IARS1: variants seen among roughly 807,000 people sequenced by gnomAD.
The protein encoded by IARS1 is isoleucyl-tRNA synthetase 1, also known as isoleucine--tRNA ligase, cytoplasmic.
IARS1 carries 124 observed loss-of-function variants against 168.2 expected under a neutral mutation model. That is an observed-to-expected ratio of 0.74 (90% CI 0.64 to 0.86). The LOEUF is 0.86. IARS1 is among the 40% of genes least tolerant of loss of function. The pLI, the probability that IARS1 is intolerant of heterozygous loss-of-function variation, is 0.00. For synonymous variants in IARS1, 532 were observed against 529.4 expected, an observed-to-expected ratio of 1.00 and a Z score of -0.07; for missense variants, 1,452 against 1,515.8, an observed-to-expected ratio of 0.96 and a Z score of 0.70.
intron 17 of IARS1, among the ~76,000 whole-genome samples, chr9:92,262,503 T>C (rs1831667753): frequency 6.6e-6 from 1 of 152,068 alleles, no homozygotes; most frequent in African/African-American, 2.4e-5. Context: ...ATAATGCCCA[T>C]TGGGAGGAAG....
Position 92,256,730 on chromosome 9 carries a change from A to C in IARS1, c.2087T>G (p.Ile696Ser). 1 of 1,614,024 alleles carries C rather than the reference A, an allele frequency of 6.2e-7. No homozygotes were observed. The highest frequency in any genetic ancestry group is 8.5e-7 in the Non-Finnish European group (1 of 1,179,892). ...RESPNITDRWILSFMQSLIGF... is the reference protein window; with the variant it reads ...RESPNITDRWSLSFMQSLIGF... ...AATGAGAGACTGCATGAAGGACAGG[A>C]TCCACCGGTCTGTAATGTTGGGGCT... The change falls in exon 20 of 34, where the codon ATC becomes AGC. Residue 696 changes from isoleucine (I) to serine (S), a missense_variant. Ile to Ser is a moderately radical substitution (Grantham distance 142). Transcript: ENST00000443024.
chr9:92,280,102 C>A (rs188259717), intron 7 of IARS1, among the ~76,000 whole-genome samples: 1 of 152,234 alleles, frequency 6.6e-6, no homozygotes, highest in South Asian at 2.1e-4. Context: ...CCTATGAACA[C>A]GGGTGTACAA....
intron 30 of IARS1, 79 bp downstream of exon 30, chr9:92,240,777 A>AT (rs1554725397): frequency 3.7e-6 from 3 of 805,860 alleles, no homozygotes; most frequent in Non-Finnish European, 6.6e-6. Flanking sequence ...AAAAACATCC[A>AT]TAAGTTTTTT....
rs144815208 is a variant in IARS1 at position 92,284,577 on chromosome 9, G to T, written c.597+1145C>A. ...CAAGGTGGGTGGATCGCAAGGTCAG[G>T]AGTTCAAGACCAGCCTGGCCAAAAT... On this transcript the variant is annotated intron_variant, in intron 6 of 33. Transcript: ENST00000443024. 7.3e-3 allele frequency among the ~76,000 whole-genome samples: 1,110 copies of T among 152,282 alleles called. 8 individuals carry two copies. The highest frequency in any genetic ancestry group is 0.025 in the South Asian group (122 of 4,824).
At chr9:92,274,578 A>C in intron 9 of IARS1, 57 bp from the exon 10 acceptor site, 1 of 1,224,634 alleles carries the variant, frequency 8.2e-7, no homozygotes, top group Non-Finnish European at 1.2e-6. Context: ...TACAACGTTA[A>C]CTTTGTAACA....
intron 29 of IARS1, 47 bp downstream of exon 29, chr9:92,242,107 C>A: frequency 6.8e-7 from 1 of 1,473,422 alleles, no homozygotes; most frequent in South Asian, 1.2e-5. Flanking sequence ...AAAGTCAAAC[C>A]TAATCTGAAA....
At chr9:92,223,770 C>T (rs1232445534) in intron 31 of IARS1, among the ~76,000 whole-genome samples, 1 of 152,140 alleles carries the variant, frequency 6.6e-6, no homozygotes, top group Non-Finnish European at 1.5e-5. Flanking sequence ...AATACAGCTC[C>T]TCTTAAAATT....
At chr9:92,252,926 T>C (rs376010233) in intron 21 of IARS1, among the ~76,000 whole-genome samples, 40 of 152,164 alleles carry the variant, frequency 2.6e-4, no homozygotes, top group Non-Finnish European at 5.0e-4. Context: ...GCTCTGCTCA[T>C]CCTAAACCCC....
At chr9:92,250,600 G>A (rs763986898) in intron 23 of IARS1, 113 bp downstream of exon 23, 32 of 1,214,034 alleles carry the variant, frequency 2.6e-5, no homozygotes, top group Admixed American at 8.5e-5. Flanking sequence ...CAGCTGGGGC[G>A]GGAGGCAAGG....
Position 92,251,890 on chromosome 9 carries a change from T to C in IARS1, c.2230-5A>G. 1 of 1,602,284 alleles carries C rather than the reference T, an allele frequency of 6.2e-7. No individual in the cohort carries two copies. Among genetic ancestry groups the C allele is most frequent in the Non-Finnish European group, 8.6e-7 (1 of 1,169,484 alleles). On this transcript the variant is annotated splice_region_variant and splice_polypyrimidine_tract_variant and intron_variant, in intron 21 of 33. Transcript: ENST00000443024. ...ATCCTCCATCCCATTTTCACCCTAA[T>C]GAGTAAAAAGGAAACATAAACATTA...
chr9:92,263,463 T>A (rs947246889), intron 16 of IARS1, among the ~76,000 whole-genome samples: 2 of 152,234 alleles, frequency 1.3e-5, no homozygotes, highest in Admixed American at 6.5e-5. Flanking sequence ...CCAAAAGTGA[T>A]AAGGCAGACT....
chr9:92,253,446 C>T lies in IARS1; in HGVS notation c.2145G>A (p.Arg715=), dbSNP rs766934979. The T allele has an allele frequency of 6.2e-7, 1 of 1,611,558 alleles. No individual in the cohort carries two copies. Among genetic ancestry groups the T allele is most frequent in the Non-Finnish European group, 8.5e-7 (1 of 1,177,928 alleles). The stretch of plus-strand genomic sequence containing the variant: ...CCAGGCGAGGCACCACAGTATAAAG[C>T]CTATAAGCTAAAAGTAAGACAAGTC... ...GFFETEMAAY[R]LYTVVPRLVK... is the part of the protein sequence containing the mutation. The change falls in exon 21 of 34, where the codon AGG becomes AGA. Residue 715 remains arginine, a synonymous_variant. Transcript: ENST00000443024.
chr9:92,245,182 G>A, intron 26 of IARS1, 111 bp from the exon 27 acceptor site: 1 of 784,360 alleles, frequency 1.3e-6, no homozygotes, highest in South Asian at 1.6e-5. Context: ...CAAAGCCACA[G>A]AGGCTTCAAG....
chr9:92,219,627 C>G (rs1178136186), intron 33 of IARS1, among the ~76,000 whole-genome samples: 2 of 151,696 alleles, frequency 1.3e-5, no homozygotes, highest in Non-Finnish European at 2.9e-5. Context: ...AGACACTTCT[C>G]AAAAGAAGAC....
intron 26 of IARS1, among the ~76,000 whole-genome samples, chr9:92,246,067 C>T (rs942703530): frequency 1.3e-5 from 2 of 152,152 alleles, no homozygotes; most frequent in African/African-American, 2.4e-5. Flanking sequence ...TGAGTCACCA[C>T]CCCCAGCCAT....
chr9:92,251,176 CCT>C (rs1829962616), intron 22 of IARS1: 4 of 463,814 alleles, frequency 8.6e-6, no homozygotes, highest in African/African-American at 2.0e-5. Context: ...GAAAATACCC[CCT>C]GCTTCACAGG....
chr9:92,275,188 T>C (rs980804500), intron 9 of IARS1, among the ~76,000 whole-genome samples: 1 of 152,264 alleles, frequency 6.6e-6, no homozygotes, highest in Non-Finnish European at 1.5e-5. Context: ...CCTTTTTGCA[T>C]TGGTAAAAAG....
At chr9:92,292,811 A>G (rs370499326) in intron 1 of IARS1, among the ~76,000 whole-genome samples, 3 of 152,212 alleles carry the variant, frequency 2.0e-5, no homozygotes, top group Non-Finnish European at 4.4e-5. Context: ...TTTTGCCTCA[A>G]TATATTTTAG....
intron 13 of IARS1, among the ~76,000 whole-genome samples, chr9:92,268,603 T>C (rs1832617655): frequency 6.6e-6 from 1 of 152,172 alleles, no homozygotes; most frequent in Admixed American, 6.5e-5. Flanking sequence ...GCCAGCCTCA[T>C]CCCATACAAC....
Sources: allele counts gnomAD v4.1 joint callset (sites outside exome capture counted in the v4.1 genomes callset), GRCh38; gene constraint gnomAD v4.1.1; transcripts MANE v1.5; gene names NCBI Gene and HGNC (gene_info 2026-07-23, HGNC 2026-07-21).